PLCL1: variants seen among roughly 807,000 people sequenced by gnomAD.
PLCL1 encodes the protein phospholipase C like 1 (inactive), also known as inactive phospholipase C-like protein 1.
Under a neutral mutation model 84.4 loss-of-function variants are expected in PLCL1, and 41 were observed. That is an observed-to-expected ratio of 0.49 (90% confidence interval 0.38 to 0.63). PLCL1 has a LOEUF of 0.63. PLCL1 is among the 30% of genes least tolerant of loss of function. The probability of loss-of-function intolerance (pLI) is 0.00; values close to 1 mark genes in which losing one functional copy is unlikely to be tolerated. For missense variants in PLCL1, 1,206 were observed against 1,367.8 expected (o/e 0.88, Z 1.87); for synonymous variants, 490 against 488.3 (o/e 1.00, Z -0.05).
intron 1 of PLCL1, among the ~76,000 whole-genome samples, chr2:197,914,386 C>T (rs1303289102): frequency 6.6e-6 from 1 of 150,648 alleles, no homozygotes; most frequent in African/African-American, 2.5e-5. Context: ...CTGGAGTGCA[C>T]TGGCACAATC....
chr2:198,070,181 T>C (rs1692426706), intron 1 of PLCL1, among the ~76,000 whole-genome samples: 1 of 152,208 alleles, frequency 6.6e-6, no homozygotes, highest in Non-Finnish European at 1.5e-5. Flanking sequence ...TTGTAACCTA[T>C]ATGTAATTCT....
intron 1 of PLCL1, among the ~76,000 whole-genome samples, chr2:197,948,634 G>A (rs1689329157): frequency 6.6e-6 from 1 of 152,120 alleles, no homozygotes; most frequent in Non-Finnish European, 1.5e-5. Context: ...AACATGGTAG[G>A]CACTCAGTGT....
chr2:198,101,669 A>G (rs1693341775), intron 4 of PLCL1, among the ~76,000 whole-genome samples: 1 of 152,056 alleles, frequency 6.6e-6, no homozygotes, highest in African/African-American at 2.4e-5. Flanking sequence ...TACTGCTGGT[A>G]TTGAAGCTAT....
chr2:198,101,255 ACCACCTT>A (rs1338713552), intron 3 of PLCL1, 23 bp from the exon 4 acceptor site: 1 of 1,382,886 alleles, frequency 7.2e-7, no homozygotes, highest in South Asian at 1.2e-5. Flanking sequence ...GATTCTGACA[ACCACCTT>A]TTTGATGTTT....
At chr2:197,984,942 T>C (rs570324915) in intron 1 of PLCL1, among the ~76,000 whole-genome samples, 1 of 151,478 alleles carries the variant, frequency 6.6e-6, no homozygotes, top group African/African-American at 2.5e-5. Context: ...ATTATGGTTT[T>C]TTTTTTTTTG....
chr2:197,838,113 G>A (rs550478254), intron 1 of PLCL1, among the ~76,000 whole-genome samples: 5 of 152,280 alleles, frequency 3.3e-5, no homozygotes, highest in Admixed American at 2.6e-4. Context: ...ATTTGCTCTC[G>A]GCTTGAAGGG....
intron 5 of PLCL1, among the ~76,000 whole-genome samples, chr2:198,136,701 A>C (rs895925301): frequency 1.4e-4 from 21 of 152,078 alleles, no homozygotes; most frequent in African/African-American, 4.6e-4. Context: ...GAATTGACTG[A>C]TGAGGCCTCA....
At chr2:197,911,132 C>T (rs140431460) in intron 1 of PLCL1, among the ~76,000 whole-genome samples, 1,852 of 152,102 alleles carry the variant, frequency 0.012, 48 homozygotes, top group African/African-American at 0.042. Context: ...CACTTGAGCT[C>T]ACAAGTTTGA....
At chr2:197,933,886 T>G (rs1321764151) in intron 1 of PLCL1, among the ~76,000 whole-genome samples, 1 of 152,170 alleles carries the variant, frequency 6.6e-6, no homozygotes, top group Non-Finnish European at 1.5e-5. Flanking sequence ...TTCTATATAT[T>G]TTTTGGGTAC....
At chr2:197,900,667 C>G (rs1270352698) in intron 1 of PLCL1, among the ~76,000 whole-genome samples, 1 of 152,158 alleles carries the variant, frequency 6.6e-6, no homozygotes, top group Admixed American at 6.5e-5. Context: ...TTATTACTAC[C>G]TCTTAGTCTT....
chr2:197,949,502 A>G (rs866839144), intron 1 of PLCL1, among the ~76,000 whole-genome samples: 10 of 152,302 alleles, frequency 6.6e-5, no homozygotes, highest in Admixed American at 2.0e-4. Context: ...TCAAGGAGGA[A>G]AAAACCCTAT....
intron 5 of PLCL1, 142 bp from the exon 6 acceptor site, chr2:198,146,638 G>A (rs1244680543): frequency 1.1e-5 from 7 of 623,644 alleles, no homozygotes; most frequent in Admixed American, 3.3e-5. Flanking sequence ...AGAACCTTGG[G>A]TTAAACCCTG....
At chr2:198,059,565 G>A (rs545881802) in intron 1 of PLCL1, among the ~76,000 whole-genome samples, 45 of 152,234 alleles carry the variant, frequency 3.0e-4, no homozygotes, top group South Asian at 8.3e-4. Context: ...AAGAGACCGC[G>A]AGGAGCCTGG....
Position 198,084,526 on chromosome 2 carries a change from C to A in PLCL1, c.1009C>A (p.Leu337Ile), listed in dbSNP as rs1244383035. ...ATATTTGGATGCCAATGATCTCATG[C>A]TCTTTTTAGAAGCTGAGCAAGGAGT... The part of the protein sequence containing the change: ...KEYLDANDLM[L>I]FLEAEQGVTH... Residue 337 changes from leucine to isoleucine, a missense_variant, in exon 2 of 6, where the codon CTC becomes ATC. Leu to Ile is a conservative substitution (Grantham distance 5). Transcript: ENST00000428675. 2.5e-6 allele frequency: 4 copies of A among 1,613,998 alleles called. No homozygotes were observed. The Admixed American group carries it at 5.0e-5, about 20-fold the overall frequency.
chr2:197,900,096 A>C (rs939920872), intron 1 of PLCL1, among the ~76,000 whole-genome samples: 19 of 152,166 alleles, frequency 1.2e-4, no homozygotes, highest in Non-Finnish European at 2.5e-4. Flanking sequence ...ACACCTCCTG[A>C]CATACATGTG....
intron 1 of PLCL1, among the ~76,000 whole-genome samples, chr2:197,857,291 C>T (rs1192854846): frequency 6.6e-6 from 1 of 152,042 alleles, no homozygotes; most frequent in Non-Finnish European, 1.5e-5. Flanking sequence ...ATTCTTTTCT[C>T]TATACCAGGC....
intron 1 of PLCL1, among the ~76,000 whole-genome samples, chr2:197,887,135 A>T (rs887592853): frequency 6.6e-6 from 1 of 152,200 alleles, no homozygotes; most frequent in African/African-American, 2.4e-5. Flanking sequence ...GACATATTTT[A>T]TTAAGCATAT....
chr2:197,946,541 G>A (rs995038855), intron 1 of PLCL1, among the ~76,000 whole-genome samples: 11 of 152,100 alleles, frequency 7.2e-5, no homozygotes, highest in Non-Finnish European at 1.5e-4. Flanking sequence ...GGAAATGAGG[G>A]TGCTAGTGGA....
At chr2:197,985,749 G>C (rs1328493828) in intron 1 of PLCL1, among the ~76,000 whole-genome samples, 2 of 152,204 alleles carry the variant, frequency 1.3e-5, no homozygotes, top group African/African-American at 4.8e-5. Flanking sequence ...AATATTTACT[G>C]TCTGGCCTTT....
Sources: allele counts gnomAD v4.1 joint callset (sites outside exome capture counted in the v4.1 genomes callset), GRCh38; gene constraint gnomAD v4.1.1; transcripts MANE v1.5; gene names NCBI Gene and HGNC (gene_info 2026-07-23, HGNC 2026-07-21).